GAREM1: variants seen among roughly 807,000 people sequenced by gnomAD.
GAREM1 encodes the protein GRB2 associated regulator of MAPK1 subtype 1, also known as GRB2-associated and regulator of MAPK protein 1.
GAREM1 carries 26 observed loss-of-function variants against 71.3 expected under a neutral mutation model. That is an observed-to-expected ratio of 0.36 (90% CI 0.27 to 0.51). The LOEUF (loss-of-function observed/expected upper bound fraction) is 0.51, where lower values mean the gene tolerates loss of function less well. Among genes scored for constraint, GAREM1 ranks in the 20% least tolerant of loss-of-function variants. GAREM1 has a pLI of 0.95. For missense variants in GAREM1, 1,026 were observed against 1,103.1 expected (o/e 0.93, Z 0.99); for synonymous variants, 440 against 433.2 (o/e 1.02, Z -0.20).
chr18:32,335,617 T>C (rs187155129), intron 2 of GAREM1, among the ~76,000 whole-genome samples: 30 of 152,338 alleles, frequency 2.0e-4, no homozygotes, highest in South Asian at 8.3e-4. Flanking sequence ...CAATACCCAC[T>C]GCAGATTTAA....
At chr18:32,410,058 T>C (rs539325991) in intron 1 of GAREM1, among the ~76,000 whole-genome samples, 1 of 152,304 alleles carries the variant, frequency 6.6e-6, no homozygotes, top group East Asian at 1.9e-4. Flanking sequence ...ATGTGTGTAT[T>C]TTATAACACT....
At chr18:32,456,935 T>C (rs2048895649) in intron 1 of GAREM1, among the ~76,000 whole-genome samples, 1 of 152,128 alleles carries the variant, frequency 6.6e-6, no homozygotes, top group African/African-American at 2.4e-5. Flanking sequence ...GTATTTGTCA[T>C]ATAATCCCAT....
Position 32,268,487 on chromosome 18 carries a change from T to C in GAREM1, c.2015A>G (p.Asp672Gly), listed in dbSNP as rs560370629. 1.9e-6 allele frequency: 3 copies of C among 1,614,172 alleles called. No homozygotes were observed. Among genetic ancestry groups the C allele is most frequent in the African/African-American group, 2.7e-5 (2 of 75,040 alleles). Residue 672 changes from aspartate (D) to glycine (G), a missense_variant, in exon 6 of 6, where the codon GAT becomes GGT. By Grantham distance (94) the Asp-to-Gly change is moderately conservative (BLOSUM62 -1). Transcript: ENST00000269209. Reference protein sequence around the residue: ...KRNCPAPFDFDGCELLASPTS... With the variant: ...KRNCPAPFDFGGCELLASPTS... ...GGGGCTGGCCAGGAGCTCACAGCCA[T>C]CAAAATCAAAAGGTGCTGGGCAGTT...
At chr18:32,395,943 C>T (rs1340508590) in intron 1 of GAREM1, among the ~76,000 whole-genome samples, 7 of 152,078 alleles carry the variant, frequency 4.6e-5, no homozygotes, top group African/African-American at 7.2e-5. Context: ...CTCACATGGC[C>T]GGGTACCCCT....
At chr18:32,363,556 A>C (rs1485438713) in intron 2 of GAREM1, among the ~76,000 whole-genome samples, 1 of 152,168 alleles carries the variant, frequency 6.6e-6, no homozygotes, top group East Asian at 1.9e-4. Context: ...CGGGCACTGA[A>C]GGCTTAGGTC....
rs577629581 is a variant in GAREM1 at position 32,353,582 on chromosome 18, T to A, written c.262+39313A>T. ...TTACCTATGGGCTTTGACTTCTGAG[T>A]TACATTAGGTAAAAGTACATTAAAA... On this transcript the variant is annotated intron_variant, in intron 2 of 5. Coordinates refer to ENST00000269209, the MANE Select transcript of GAREM1 (RefSeq NM_001242409.2). Among the ~76,000 whole-genome samples, 4 of 152,304 alleles carry A rather than the reference T, an allele frequency of 2.6e-5. No individual in the cohort carries two copies. The South Asian group carries it at 8.3e-4, about 32-fold the overall frequency.
At chr18:32,370,458 C>T (rs1177854202) in intron 2 of GAREM1, among the ~76,000 whole-genome samples, 1 of 151,228 alleles carries the variant, frequency 6.6e-6, no homozygotes, top group African/African-American at 2.4e-5. Context: ...GAATTTTTAC[C>T]ATAGGCATAA....
intron 1 of GAREM1, among the ~76,000 whole-genome samples, chr18:32,414,752 C>T (rs930506950): frequency 6.6e-6 from 1 of 151,906 alleles, no homozygotes; most frequent in Non-Finnish European, 1.5e-5. Flanking sequence ...GCTATAAATG[C>T]CTATATCAAA....
intron 1 of GAREM1, among the ~76,000 whole-genome samples, chr18:32,429,662 C>T (rs1418864258): frequency 7.9e-5 from 12 of 152,156 alleles, no homozygotes; most frequent in South Asian, 2.1e-4. Flanking sequence ...TTCAGCTTGC[C>T]GGCTATGTTT....
chr18:32,293,755 T>C (rs1483303873), intron 3 of GAREM1, among the ~76,000 whole-genome samples: 2 of 152,158 alleles, frequency 1.3e-5, no homozygotes, highest in African/African-American at 2.4e-5. Flanking sequence ...GAATATACCT[T>C]GGACAGTACC....
At chr18:32,378,695 T>C (rs1295170201) in intron 2 of GAREM1, among the ~76,000 whole-genome samples, 1 of 151,754 alleles carries the variant, frequency 6.6e-6, no homozygotes, top group African/African-American at 2.4e-5. Context: ...GACAAGAGGG[T>C]TAAAGGTAAA....
intron 3 of GAREM1, among the ~76,000 whole-genome samples, chr18:32,293,972 A>G (rs2047114388): frequency 1.3e-5 from 2 of 152,242 alleles, no homozygotes. Flanking sequence ...CAAAATTTCC[A>G]TGCCAGAAAT....
chr18:32,351,573 G>C (rs1324722523), intron 2 of GAREM1, among the ~76,000 whole-genome samples: 3 of 152,158 alleles, frequency 2.0e-5, no homozygotes, highest in African/African-American at 7.2e-5. Context: ...TTAACCAAGA[G>C]AAGTATGTGG....
chr18:32,422,931 C>T (rs1276373559), intron 1 of GAREM1, among the ~76,000 whole-genome samples: 1 of 152,196 alleles, frequency 6.6e-6, no homozygotes, highest in Non-Finnish European at 1.5e-5. Context: ...GACAGCAAGA[C>T]TAGAACTCGG....
intron 4 of GAREM1, among the ~76,000 whole-genome samples, chr18:32,286,358 G>GTGTGTGTGTCT (rs2047018211): frequency 1.3e-5 from 2 of 149,450 alleles, no homozygotes; most frequent in African/African-American, 5.0e-5. Flanking sequence ...GTGTGTGTGT[G>GTGTGTGTGTCT]TATAATACAT....
Position 32,470,009 on chromosome 18 carries a change from G to A in GAREM1, c.121+299C>T, listed in dbSNP as rs1236782558. Among the ~76,000 whole-genome samples, 11 of 152,194 alleles carry A rather than the reference G, an allele frequency of 7.2e-5. No homozygotes were observed. Among genetic ancestry groups the A allele is most frequent in the Admixed American group, 7.2e-4 (11 of 15,284 alleles). ...CTGGTTGAGTAATTCTTGCAGGAGG[G>A]TGGGGAGGGATATCTGGCGTCCAAG... On this transcript the variant is annotated intron_variant, in intron 1 of 5. Transcript: ENST00000269209. The surrounding 1 kb of genome is among the most constrained non-coding windows in gnomAD (Gnocchi z 4.4).
At chr18:32,374,644 G>C (rs150361991) in intron 2 of GAREM1, among the ~76,000 whole-genome samples, 2 of 152,306 alleles carry the variant, frequency 1.3e-5, no homozygotes, top group Non-Finnish European at 2.9e-5. Flanking sequence ...GAAAATGCCT[G>C]AGTGATTCTA....
chr18:32,412,156 C>A, intron 1 of GAREM1: 4 of 1,340,960 alleles, frequency 3.0e-6, no homozygotes, highest in Non-Finnish European at 4.2e-6. Flanking sequence ...TCTGTTGTAA[C>A]CTGTGGCTTC....
At chr18:32,432,765 TCTC>T (rs1294556728) in intron 1 of GAREM1, among the ~76,000 whole-genome samples, 1 of 152,082 alleles carries the variant, frequency 6.6e-6, no homozygotes, top group East Asian at 1.9e-4. Flanking sequence ...ACTTGAATAG[TCTC>T]CTATTAATGA....
Sources: allele counts gnomAD v4.1 joint callset (sites outside exome capture counted in the v4.1 genomes callset), GRCh38; gene constraint gnomAD v4.1.1; non-coding constraint Gnocchi (gnomAD v3.1); transcripts MANE v1.5; gene names NCBI Gene and HGNC (gene_info 2026-07-23, HGNC 2026-07-21).